The following AGPAT4 variants were observed in gnomAD, a reference collection of about 807,000 sequenced individuals.
AGPAT4 encodes the protein 1-acyl-sn-glycerol-3-phosphate acyltransferase delta.
Under a neutral mutation model 48.0 loss-of-function variants are expected in AGPAT4, and 15 were observed. The observed-to-expected ratio is 0.31, with a 90% confidence interval of 0.21 to 0.48. The LOEUF (loss-of-function observed/expected upper bound fraction) is 0.48. Ranked by LOEUF, AGPAT4 falls within the 20% of genes least tolerant of loss-of-function variation. The probability of loss-of-function intolerance (pLI) is 0.99; values close to 1 mark genes in which losing one functional copy is unlikely to be tolerated. For missense variants in AGPAT4, 314 were observed against 482.5 expected, an observed-to-expected ratio of 0.65 and a Z score of 3.27; for synonymous variants, 178 against 198.7, an observed-to-expected ratio of 0.90 and a Z score of 0.88.
chr6:161,177,411 T>G lies in AGPAT4; in HGVS notation c.179-10994A>C, dbSNP rs1583304949. On this transcript the variant is annotated intron_variant, in intron 2 of 8. Transcript: ENST00000320285. The surrounding 1 kb of genome is among the most constrained non-coding windows in gnomAD (Gnocchi z 5.0). ...TTAATTTGATCTTCAATCACTGATA[T>G]CGTTTCTTCCACTTGATCGAATCGG... 6.6e-6 allele frequency among the ~76,000 whole-genome samples: 1 copy of G among 152,228 alleles called. No individual in the cohort carries two copies. The highest frequency in any genetic ancestry group is 6.5e-5 in the Admixed American group (1 of 15,276).
At chr6:161,237,907 C>T (rs1219048254) in intron 1 of AGPAT4, among the ~76,000 whole-genome samples, 1 of 152,098 alleles carries the variant, frequency 6.6e-6, no homozygotes, top group Non-Finnish European at 1.5e-5. Flanking sequence ...AAAGTTTACA[C>T]TGCTTGCTAA....
chr6:161,166,523 T>C lies in AGPAT4; in HGVS notation c.179-106A>G. ...CCCAGCTAGGGGAGAAAGCAACTTC[T>C]ACGGGCAAAGTTCTGGATCGTTGCA... is the stretch of plus-strand genomic sequence containing the variant. On this transcript the variant is annotated intron_variant, in intron 2 of 8. Transcript: ENST00000320285. This position sits in a 1 kb window ranked among gnomAD's most constrained non-coding sequence, Gnocchi z 6.7. The C allele has an allele frequency of 5.1e-6, 7 of 1,359,988 alleles. No individual in the cohort carries two copies. Among genetic ancestry groups the C allele is most frequent in the Non-Finnish European group, 7.0e-6 (7 of 1,003,262 alleles). 84.2% of individuals were successfully genotyped at this position (1,359,988 alleles called of 1,614,324 possible).
Position 161,215,188 on chromosome 6 carries a change from A to C in AGPAT4, c.178+16848T>G, listed in dbSNP as rs1781611996. On this transcript the variant is annotated intron_variant, in intron 2 of 8. Transcript: ENST00000320285. The surrounding 1 kb of genome is among the most constrained non-coding windows in gnomAD (Gnocchi z 4.5). ...TCTTCACAATTTGGCAAGCTACATT[A>C]ATGACCCTATTTAACTTATGATCCT... Among the ~76,000 whole-genome samples, 1 of 152,214 alleles carries C rather than the reference A, an allele frequency of 6.6e-6. No homozygotes were observed. The highest frequency in any genetic ancestry group is 1.5e-5 in the Non-Finnish European group (1 of 68,034).
At chr6:161,273,390 C>T (rs1783486757) in intron 1 of AGPAT4, among the ~76,000 whole-genome samples, 1 of 152,016 alleles carries the variant, frequency 6.6e-6, no homozygotes, top group Admixed American at 6.6e-5. Context: ...TGGATTTTAG[C>T]AAACCAAAGC....
rs760072288 is a variant in AGPAT4 at position 161,166,366 on chromosome 6, G to A, written c.230C>T (p.Thr77Met). The change falls in exon 3 of 9, where the codon ACG becomes ATG. Residue 77 changes from threonine (T) to methionine (M), a missense_variant. By Grantham distance (81) the Thr-to-Met change is moderately conservative. Transcript: ENST00000320285. This position sits in a 1 kb window ranked among gnomAD's most constrained non-coding sequence, Gnocchi z 6.7. ...ATACTTGAGGTAGGCGCGCGGGTCC[G>A]TGAAGATGGTGCATTCCGTGCCCGA... Reference protein sequence around the residue: ...WWSGTECTIFTDPRAYLKYGK... With the variant: ...WWSGTECTIFMDPRAYLKYGK... The A allele has an allele frequency of 3.7e-6, 6 of 1,613,854 alleles. No homozygotes were observed. Among genetic ancestry groups the A allele is most frequent in the Admixed American group, 1.7e-5 (1 of 59,976 alleles).
rs1027403305 is a variant in AGPAT4 at position 161,197,915 on chromosome 6, C to T, written c.179-31498G>A. 7.2e-5 allele frequency among the ~76,000 whole-genome samples: 11 copies of T among 152,314 alleles called. No homozygotes were observed. The highest frequency in any genetic ancestry group is 3.4e-3 in the Middle Eastern group (1 of 294). On this transcript the variant is annotated intron_variant, in intron 2 of 8. Coordinates refer to ENST00000320285, the MANE Select transcript of AGPAT4 (RefSeq NM_020133.3). This position sits in a 1 kb window ranked among gnomAD's most constrained non-coding sequence, Gnocchi z 5.7. ...CACTGTCAATAGCAATGAAAAGCTA[C>T]ACGTAGGGTTTACCCAGACAATTCG...
Position 161,235,873 on chromosome 6 carries a change from G to C in AGPAT4, c.-89-3571C>G, listed in dbSNP as rs748480681. On this transcript the variant is annotated intron_variant, in intron 1 of 8. Coordinates refer to ENST00000320285, the MANE Select transcript of AGPAT4 (RefSeq NM_020133.3). This position sits in a 1 kb window ranked among gnomAD's most constrained non-coding sequence, Gnocchi z 6.2. ...GCTCCCACCAGGTCCCACCTCCAGT[G>C]CTGGGGATTACAAATTCAACGTGAG... Among the ~76,000 whole-genome samples the C allele has an allele frequency of 2.6e-5, 4 of 152,154 alleles. No homozygotes were observed. Among genetic ancestry groups the C allele is most frequent in the Non-Finnish European group, 5.9e-5 (4 of 68,036 alleles).
chr6:161,205,033 G>A (rs1328128685), intron 2 of AGPAT4, among the ~76,000 whole-genome samples: 1 of 152,204 alleles, frequency 6.6e-6, no homozygotes, highest in Non-Finnish European at 1.5e-5. Context: ...ACTGGGGACT[G>A]GGCAAAGGAG....
chr6:161,199,890 C>A (rs3946016), intron 2 of AGPAT4, among the ~76,000 whole-genome samples: 1 of 152,160 alleles, frequency 6.6e-6, no homozygotes, highest in South Asian at 2.1e-4. Flanking sequence ...TCAGGTAGCT[C>A]TTCATAGCAG....
At chr6:161,210,712 T>G (rs984689360) in intron 2 of AGPAT4, among the ~76,000 whole-genome samples, 9 of 152,212 alleles carry the variant, frequency 5.9e-5, no homozygotes, top group Admixed American at 2.0e-4. Context: ...TATATTTTTG[T>G]TTGCATTTAT....
chr6:161,191,476 C>T (rs1294724411), intron 2 of AGPAT4, among the ~76,000 whole-genome samples: 2 of 152,150 alleles, frequency 1.3e-5, no homozygotes, highest in South Asian at 2.1e-4. Context: ...ACCTGCCCCA[C>T]CATGGCCCTA....
rs1199551861 is a variant in AGPAT4, at chr6:161,229,929, G to T, written c.178+2107C>A. Among the ~76,000 whole-genome samples, 2 of 152,152 alleles carry T rather than the reference G, an allele frequency of 1.3e-5. No homozygotes were observed. The highest frequency in any genetic ancestry group is 2.4e-5 in the African/African-American group (1 of 41,442). On this transcript the variant is annotated intron_variant, in intron 2 of 8. Coordinates refer to ENST00000320285, the MANE Select transcript of AGPAT4 (RefSeq NM_020133.3). The surrounding 1 kb of genome is among the most constrained non-coding windows in gnomAD (Gnocchi z 6.0). ...TCACTGGGTATACCTGGATGGAGGTGCTTCTAGGTCCTTCAGTGACATTAG... is the reference window on the plus strand; with the variant it reads ...TCACTGGGTATACCTGGATGGAGGTTCTTCTAGGTCCTTCAGTGACATTAG...
intron 2 of AGPAT4, among the ~76,000 whole-genome samples, chr6:161,176,797 T>C (rs1562325125): frequency 6.6e-6 from 1 of 152,230 alleles, no homozygotes; most frequent in Non-Finnish European, 1.5e-5. Flanking sequence ...CCATTCCATG[T>C]TTAGTGCTTC....
In AGPAT4 at chr6:161,243,499, C is replaced by T. The variant is rs1254563314; in HGVS notation, c.-89-11197G>A. 6.6e-6 allele frequency among the ~76,000 whole-genome samples: 1 copy of T among 152,210 alleles called. No individual in the cohort carries two copies. Among genetic ancestry groups the T allele is most frequent in the African/African-American group, 2.4e-5 (1 of 41,448 alleles). On this transcript the variant is annotated intron_variant, in intron 1 of 8. Transcript: ENST00000320285. This position sits in a 1 kb window ranked among gnomAD's most constrained non-coding sequence, Gnocchi z 4.8. ...CACAAGGCTGTGTGCCCAGAGCCTG[C>T]AGGAGAGGCGCTGTTTCCTAGCTGT...
In AGPAT4 at chr6:161,238,082, G is replaced by C. The variant is rs1004739350; in HGVS notation, c.-89-5780C>G. Reference sequence around the variant, plus strand: ...GGGCTGGGGGTGGGGGGGTAATGGGGGGGTTGGGGGGCGGGAGGCAGAATG... The same window carrying C: ...GGGCTGGGGGTGGGGGGGTAATGGGCGGGTTGGGGGGCGGGAGGCAGAATG... On this transcript the variant is annotated intron_variant, in intron 1 of 8. Coordinates refer to ENST00000320285, the MANE Select transcript of AGPAT4 (RefSeq NM_020133.3). The surrounding 1 kb of genome is among the most constrained non-coding windows in gnomAD (Gnocchi z 5.2). Among the ~76,000 whole-genome samples the C allele has an allele frequency of 1.3e-5, 2 of 149,492 alleles. No homozygotes were observed. Among genetic ancestry groups the C allele is most frequent in the Non-Finnish European group, 3.0e-5 (2 of 67,114 alleles).
At chr6:161,241,044 C>A (rs776752822) in intron 1 of AGPAT4, among the ~76,000 whole-genome samples, 4 of 151,992 alleles carry the variant, frequency 2.6e-5, no homozygotes, top group Admixed American at 6.6e-5. Context: ...GTGGGTGGAT[C>A]ATGAGGTCAG....
chr6:161,260,363 G>T (rs935418728), intron 1 of AGPAT4, among the ~76,000 whole-genome samples: 15 of 152,056 alleles, frequency 9.9e-5, no homozygotes, highest in African/African-American at 3.6e-4. Flanking sequence ...AGCGTGGTTT[G>T]AAAATAAAAA....
chr6:161,176,707 C>G (rs1406156987), intron 2 of AGPAT4, among the ~76,000 whole-genome samples: 1 of 152,102 alleles, frequency 6.6e-6, no homozygotes, highest in African/African-American at 2.4e-5. Context: ...TTATTTTGCT[C>G]GTTAATTGAT....
At position 161,178,596 on chromosome 6, in the gene AGPAT4, C is replaced by T. The variant is rs1013646018; in HGVS notation, c.179-12179G>A. Among the ~76,000 whole-genome samples, 4 of 152,180 alleles carry T rather than the reference C, an allele frequency of 2.6e-5. No individual in the cohort carries two copies. The highest frequency in any genetic ancestry group is 9.7e-5 in the African/African-American group (4 of 41,450). On this transcript the variant is annotated intron_variant, in intron 2 of 8. Coordinates refer to ENST00000320285, the MANE Select transcript of AGPAT4 (RefSeq NM_020133.3). The surrounding 1 kb of genome is among the most constrained non-coding windows in gnomAD (Gnocchi z 5.1). ...GCACTTCCCGGGTGAGGCGATGCCC[C>T]ACCCTGCTTCAGCTCACACTCGCGT...
Sources: gnomAD v4.1 joint callset for allele counts (sites outside exome capture counted in the v4.1 genomes callset) on GRCh38, gnomAD v4.1.1 for gene constraint, Gnocchi (gnomAD v3.1) non-coding constraint, MANE v1.5 for transcripts, NCBI Gene and HGNC (gene_info 2026-07-23, HGNC 2026-07-21) for gene names.